The following AXIN1 variants were observed in gnomAD, a reference collection of about 807,000 sequenced individuals.
AXIN1 encodes axin-1.
A neutral mutation model predicts 76.4 loss-of-function variants in AXIN1; 30 were observed. The observed-to-expected ratio is 0.39, with a 90% CI of 0.29 to 0.53. The LOEUF (loss-of-function observed/expected upper bound fraction) is 0.53. Ranked by LOEUF, AXIN1 falls within the 20% of genes least tolerant of loss-of-function variation. The probability of loss-of-function intolerance (pLI) is 0.66; values close to 1 mark genes in which losing one functional copy is unlikely to be tolerated. For synonymous variants in AXIN1, 545 were observed against 501.4 expected (o/e 1.09, Z -1.16); for missense variants, 1,140 against 1,198.8 (o/e 0.95, Z 0.72).
At chr16:291,623 CGA>C (rs2052563804) in intron 8 of AXIN1, 2 of 431,532 alleles carry the variant, frequency 4.6e-6, no homozygotes, top group South Asian at 2.1e-5. Context: ...CATCTCGTCC[CGA>C]GAGTCTGTCC....
intron 9 of AXIN1, 194 bp downstream of exon 9, chr16:290,996 T>A (rs1015389237): frequency 4.6e-6 from 3 of 646,834 alleles, no homozygotes; most frequent in Non-Finnish European, 5.6e-6. Flanking sequence ...ACAGTCAGCG[T>A]CTCCTTTGAT....
At chr16:300,425 C>G (rs2052839314) in intron 5 of AXIN1, among the ~76,000 whole-genome samples, 1 of 151,760 alleles carries the variant, frequency 6.6e-6, no homozygotes, top group Admixed American at 6.6e-5. Context: ...CTCTTAAATT[C>G]CTGGCCTCAA....
At chr16:317,468 C>G (rs1179333797) in intron 2 of AXIN1, among the ~76,000 whole-genome samples, 1 of 152,242 alleles carries the variant, frequency 6.6e-6, no homozygotes, top group Non-Finnish European at 1.5e-5. Flanking sequence ...AGGCCCCTGC[C>G]AGGGCCGATG....
intron 9 of AXIN1, 79 bp from the exon 10 acceptor site, chr16:289,686 C>T (rs960692355): frequency 2.5e-6 from 4 of 1,574,918 alleles, no homozygotes; most frequent in Admixed American, 3.6e-5. Context: ...CTCAGGCTGC[C>T]AGTGTAAGGC....
intron 7 of AXIN1, among the ~76,000 whole-genome samples, chr16:294,010 C>T (rs2052641364): frequency 6.6e-6 from 1 of 152,078 alleles, no homozygotes; most frequent in African/African-American, 2.4e-5. Flanking sequence ...CTCATCGCTA[C>T]TAAATATACA....
chr16:331,824 G>A (rs1425760628), intron 2 of AXIN1, among the ~76,000 whole-genome samples: 2 of 152,192 alleles, frequency 1.3e-5, no homozygotes, highest in African/African-American at 2.4e-5. Context: ...GGGCCCTCAC[G>A]CCAGTGCCTC....
chr16:321,506 T>C lies in AXIN1; in HGVS notation c.879-6823A>G, dbSNP rs182041376. On this transcript the variant is annotated intron_variant, in intron 2 of 10. Coordinates refer to ENST00000262320, the MANE Select transcript of AXIN1 (RefSeq NM_003502.4). ...GCCATTTTGAAAGGCAAATCGCCTT[T>C]TTCTCCAACCACAGAGCTCCTCAAC... Among the ~76,000 whole-genome samples, 8 of 152,382 alleles carry C rather than the reference T, an allele frequency of 5.2e-5. No homozygotes were observed. In the East Asian group the frequency reaches 1.5e-3, roughly 29 times the overall value.
rs753659585 is a variant in AXIN1, at chr16:346,908, C to T, written c.118G>A (p.Ala40Thr). The change falls in exon 2 of 11, where the codon GCC (alanine) becomes ACC (threonine). Residue 40 changes from alanine (A) to threonine (T), a missense_variant. Physicochemically the swap from Ala to Thr is moderately conservative, Grantham distance 58. Coordinates refer to ENST00000262320, the MANE Select transcript of AXIN1 (RefSeq NM_003502.4). Reference protein sequence around the residue: ...GELVSTDPRPASYSFCSGKGV... With the variant: ...GELVSTDPRPTSYSFCSGKGV... ...TTCCCGGAGCAGAAACTGTAGCTGG[C>T]GGGCCTCGGGTCTGTGGACACCAGT... 11 of 1,613,640 alleles carry T rather than the reference C, an allele frequency of 6.8e-6. No homozygotes were observed. The highest frequency in any genetic ancestry group is 5.3e-5 in the African/African-American group (4 of 74,932).
rs1161120248 is a variant in AXIN1, at chr16:346,172, C to G, written c.854G>C (p.Arg285Pro). Residue 285 changes from arginine (R) to proline (P), a missense_variant, in exon 2 of 11, where the codon CGG (arginine) becomes CCG (proline). Physicochemically the swap from Arg to Pro is moderately radical, Grantham distance 103. Coordinates refer to ENST00000262320, the MANE Select transcript of AXIN1 (RefSeq NM_003502.4). ...TAAPRVSSSR[R>P]YSEGREFRYG... ...CCTGAACTCTCTGCCTTCGCTGTAC[C>G]GTCTACTGGAGGAGACCCTCGGGGC... is the stretch of plus-strand genomic sequence containing the variant. 6.2e-7 allele frequency: 1 copy of G among 1,613,832 alleles called. No homozygotes were observed. Among genetic ancestry groups the G allele is most frequent in the Non-Finnish European group, 8.5e-7 (1 of 1,180,024 alleles).
chr16:315,599 A>G (rs1417466829), intron 2 of AXIN1, among the ~76,000 whole-genome samples: 1 of 152,148 alleles, frequency 6.6e-6, no homozygotes, highest in Admixed American at 6.5e-5. Context: ...TGGCCGAGGC[A>G]GGCAGATCAC....
chr16:331,722 T>A (rs968994642), intron 2 of AXIN1, among the ~76,000 whole-genome samples: 3 of 152,218 alleles, frequency 2.0e-5, no homozygotes, highest in Admixed American at 2.0e-4. Context: ...CTTTGTGGTA[T>A]CTCCAACATA....
intron 10 of AXIN1, among the ~76,000 whole-genome samples, chr16:289,169 A>G (rs901379379): frequency 6.6e-6 from 1 of 151,654 alleles, no homozygotes; most frequent in African/African-American, 2.4e-5. Context: ...GCTCACTGCA[A>G]CCTCTGCCTC....
chr16:348,132 T>A (rs1360211887), intron 1 of AXIN1, among the ~76,000 whole-genome samples: 1 of 152,122 alleles, frequency 6.6e-6, no homozygotes, highest in Non-Finnish European at 1.5e-5. Flanking sequence ...AGATAAGGGC[T>A]CCAACAGAAC....
chr16:339,589 G>A (rs986416966), intron 2 of AXIN1, among the ~76,000 whole-genome samples: 16 of 151,880 alleles, frequency 1.1e-4, no homozygotes, highest in Non-Finnish European at 2.2e-4. Context: ...GGTTGGGGCA[G>A]GAGAACTGCT....
In AXIN1 at chr16:297,744, C is replaced by T. The variant is rs771607500; in HGVS notation, c.1762G>A (p.Ala588Thr). The T allele has an allele frequency of 6.3e-6, 10 of 1,598,510 alleles. No individual in the cohort carries two copies. The highest frequency in any genetic ancestry group is 2.2e-5 in the East Asian group (1 of 44,676). The change falls in exon 6 of 11, where the codon GCC (alanine) becomes ACC (threonine). Residue 588 changes from alanine (A) to threonine (T), a missense_variant. Physicochemically the swap from Ala to Thr is moderately conservative, Grantham distance 58. This residue lies in a region of AXIN1 where 429 missense variants were observed against 405.8 expected (regional missense o/e 1.06). Coordinates refer to ENST00000262320, the MANE Select transcript of AXIN1 (RefSeq NM_003502.4). ...YSESVGAAPN[A>T]SDGLAHSGKV... ...CACCTGTGGGCGAGGCCATCACTGG[C>T]GTTGGGGGCAGCGCCAACACTCTCT...
intron 1 of AXIN1, among the ~76,000 whole-genome samples, chr16:352,163 T>TGCCCCGA (rs902412521): frequency 4.0e-5 from 6 of 151,764 alleles, no homozygotes; most frequent in African/African-American, 1.4e-4. Context: ...AGCTGCTCCG[T>TGCCCCGA]GCCCCGAGAC....
intron 1 of AXIN1, among the ~76,000 whole-genome samples, chr16:351,857 G>A (rs2054151832): frequency 2.0e-5 from 3 of 152,172 alleles, no homozygotes; most frequent in African/African-American, 7.2e-5. Flanking sequence ...CTCGGGCAGT[G>A]CAGCTCTGGT....
Position 313,326 on chromosome 16 carries a change from A to G in AXIN1, c.1019+1217T>C, listed in dbSNP as rs184577960. ...AAATGAAAAGAACCATAAAAATGGT[A>G]CATACAGTGGGACCATCACTTAAAA... On this transcript the variant is annotated intron_variant, in intron 3 of 10. Transcript: ENST00000262320. Among the ~76,000 whole-genome samples the G allele has an allele frequency of 2.6e-5, 4 of 152,362 alleles. No individual in the cohort carries two copies. The East Asian group carries it at 5.8e-4, about 22-fold the overall frequency.
intron 3 of AXIN1, among the ~76,000 whole-genome samples, chr16:312,683 A>G (rs999174711): frequency 6.6e-6 from 1 of 150,732 alleles, no homozygotes; most frequent in African/African-American, 2.5e-5. Context: ...AACGAGGATG[A>G]AAGAAACCAG....
Sources: gnomAD v4.1 joint callset for allele counts (sites outside exome capture counted in the v4.1 genomes callset) on GRCh38, gnomAD v4.1.1 for gene constraint, gnomAD v4.1.1 regional missense constraint, MANE v1.5 for transcripts, NCBI Gene and HGNC (gene_info 2026-07-23, HGNC 2026-07-21) for gene names.